Variants in TRPC4AP observed in about 807,000 individuals in gnomAD.
TRPC4AP encodes the protein transient receptor potential cation channel subfamily C member 4 associated protein.
A neutral mutation model predicts 99.0 loss-of-function variants in TRPC4AP; 45 were observed. The observed-to-expected ratio is 0.45, with a 90% confidence interval of 0.36 to 0.58. TRPC4AP has a LOEUF of 0.58. Ranked by LOEUF, TRPC4AP falls within the 20% of genes least tolerant of loss-of-function variation. The pLI is 0.00. For missense variants in TRPC4AP, 879 were observed against 985.3 expected (o/e 0.89, Z 1.44); for synonymous variants, 408 against 385.8 (o/e 1.06, Z -0.67).
chr20:35,088,956 T>C (rs537189553), intron 1 of TRPC4AP, among the ~76,000 whole-genome samples: 3 of 152,214 alleles, frequency 2.0e-5, no homozygotes, highest in East Asian at 3.9e-4. Context: ...TGTTCAATGG[T>C]AGTTTCAGAT....
chr20:35,025,012 T>A (rs1287087844), intron 8 of TRPC4AP, among the ~76,000 whole-genome samples: 1 of 152,124 alleles, frequency 6.6e-6, no homozygotes, highest in African/African-American at 2.4e-5. Flanking sequence ...TTCTAGGCCC[T>A]ATGACATAAC....
intron 4 of TRPC4AP, among the ~76,000 whole-genome samples, chr20:35,056,136 AT>A (rs2083820698): frequency 6.6e-6 from 1 of 152,236 alleles, no homozygotes; most frequent in South Asian, 2.1e-4. Flanking sequence ...GACGCTCTGC[AT>A]CCCTTATCAC....
chr20:35,044,750 T>C (rs751745502), intron 6 of TRPC4AP, 38 bp from the exon 7 acceptor site: 6 of 1,600,384 alleles, frequency 3.7e-6, no homozygotes, highest in South Asian at 2.2e-5. Context: ...CCATGCTCAA[T>C]TCACTCAAGA....
chr20:35,077,084 T>C (rs6142291), intron 2 of TRPC4AP, among the ~76,000 whole-genome samples: 117,422 of 152,102 alleles, frequency 0.77, 45,684 homozygotes, highest in Middle Eastern at 0.83. Context: ...TATAATCTCC[T>C]GCTGTGCCAT....
At chr20:35,081,122 T>C (rs950439167) in intron 1 of TRPC4AP, among the ~76,000 whole-genome samples, 2 of 152,162 alleles carry the variant, frequency 1.3e-5, no homozygotes, top group African/African-American at 2.4e-5. Flanking sequence ...GAACAAAGGA[T>C]AGGACATTAA....
At chr20:35,091,036 C>T (rs564175720) in intron 1 of TRPC4AP, among the ~76,000 whole-genome samples, 3 of 151,862 alleles carry the variant, frequency 2.0e-5, no homozygotes, top group East Asian at 3.9e-4. Flanking sequence ...AAGGAAAGAG[C>T]AAGTATTTCT....
At position 35,024,854 on chromosome 20, in the gene TRPC4AP, A is replaced by AAAAAAAAAAAAAAT. The variant is rs1479270980; in HGVS notation, c.1052-3499_1052-3498insATTTTTTTTTTTTT. Among the ~76,000 whole-genome samples the AAAAAAAAAAAAAAT allele has an allele frequency of 6.3e-4, 56 of 89,466 alleles. 11 individuals are homozygous for AAAAAAAAAAAAAAT. Among genetic ancestry groups the AAAAAAAAAAAAAAT allele is most frequent in the Admixed American group, 9.0e-4 (6 of 6,630 alleles). The allele number at this position is 89,466 out of a possible 152,430, so 58.7% of individuals were successfully genotyped here. ...AAAAAAAAAAAAAAAAAAAAAAAAAAATTCTGTTTATTCATTAATCAGGTG... is the reference window on the plus strand; with the variant it reads ...AAAAAAAAAAAAAAAAAAAAAAAAAAAAAAAAAAAAAAATATTCTGTTTATTCATTAATCAGGTG... On this transcript the variant is annotated intron_variant, in intron 8 of 18. Coordinates refer to ENST00000252015, the MANE Select transcript of TRPC4AP (RefSeq NM_015638.3).
chr20:35,076,237 C>T (rs2084476442), intron 2 of TRPC4AP, among the ~76,000 whole-genome samples: 1 of 76,684 alleles, frequency 1.3e-5, no homozygotes, highest in Non-Finnish European at 2.4e-5. Context: ...TTTGTTATTA[C>T]TGATCATCTG....
At chr20:35,024,338 T>C (rs2082966504) in intron 8 of TRPC4AP, among the ~76,000 whole-genome samples, 1 of 152,146 alleles carries the variant, frequency 6.6e-6, no homozygotes, top group African/African-American at 2.4e-5. Flanking sequence ...TCCTTAGCTC[T>C]AGGCAACCAT....
chr20:35,052,545 G>T (rs2083730701), intron 5 of TRPC4AP, among the ~76,000 whole-genome samples: 2 of 152,028 alleles, frequency 1.3e-5, no homozygotes, highest in African/African-American at 4.8e-5. Context: ...ACCCACGCTG[G>T]AGTGCAGTGG....
chr20:35,085,929 A>G (rs1294943796), intron 1 of TRPC4AP, among the ~76,000 whole-genome samples: 1 of 152,110 alleles, frequency 6.6e-6, no homozygotes, highest in Non-Finnish European at 1.5e-5. Context: ...TTAATCCTAA[A>G]TGTAAGACAT....
intron 8 of TRPC4AP, among the ~76,000 whole-genome samples, chr20:35,029,968 G>A (rs1210073327): frequency 1.3e-4 from 16 of 123,512 alleles, no homozygotes; most frequent in African/African-American, 1.7e-4. Flanking sequence ...GCTGGCTGGC[G>A]CGGTGGCTCA....
rs987785401 is a variant in TRPC4AP, at chr20:35,008,767, T to C, written c.1512-20A>G. On this transcript the variant is annotated intron_variant, in intron 12 of 18. Coordinates refer to ENST00000252015, the MANE Select transcript of TRPC4AP (RefSeq NM_015638.3). ...AAACTCCTGAAATAGAAGAGAGATATTGGTGACAGATCTGAGAGGCTGACA... is the reference window on the plus strand; with the variant it reads ...AAACTCCTGAAATAGAAGAGAGATACTGGTGACAGATCTGAGAGGCTGACA... 2.5e-6 allele frequency: 4 copies of C among 1,610,464 alleles called. No homozygotes were observed. The highest frequency in any genetic ancestry group is 1.1e-5 in the South Asian group (1 of 90,756).
chr20:35,010,213 C>T lies in TRPC4AP; in HGVS notation c.1485G>A (p.Glu495=), dbSNP rs2082602455. 1.9e-6 allele frequency: 3 copies of T among 1,614,088 alleles called. No homozygotes were observed. The highest frequency in any genetic ancestry group is 1.3e-5 in the African/African-American group (1 of 74,938). ...TGTCGGTGTTGAGGACAGCTTCCAC[C>T]TCAGGGATGTTGGCCTTGAGAGAGA... ...SAISLKANIP[E]VEAVLNTDRS... is the part of the protein sequence containing the mutation. Residue 495 remains glutamate, a synonymous_variant, in exon 12 of 19, where the codon GAG becomes GAA. Transcript: ENST00000252015.
At chr20:35,065,323 T>A (rs989163948) in intron 3 of TRPC4AP, among the ~76,000 whole-genome samples, 1 of 152,188 alleles carries the variant, frequency 6.6e-6, no homozygotes, top group African/African-American at 2.4e-5. Flanking sequence ...GCCCAAAACA[T>A]TCCCCATACT....
At chr20:35,016,651 G>A (rs1356682501) in intron 9 of TRPC4AP, among the ~76,000 whole-genome samples, 2 of 152,144 alleles carry the variant, frequency 1.3e-5, no homozygotes, top group Non-Finnish European at 2.9e-5. Context: ...TGATCTAAGA[G>A]TTGGAAAAGC....
intron 3 of TRPC4AP, 52 bp downstream of exon 3, chr20:35,069,244 C>T: frequency 9.6e-7 from 1 of 1,039,390 alleles, no homozygotes; most frequent in Admixed American, 2.3e-5. Flanking sequence ...AGTTAAATTC[C>T]CAAACCATTA....
intron 1 of TRPC4AP, among the ~76,000 whole-genome samples, chr20:35,082,742 T>TCA (rs2084679763): frequency 6.6e-6 from 1 of 152,170 alleles, no homozygotes; most frequent in Admixed American, 6.5e-5. Context: ...TCAATGCAAT[T>TCA]CACCACATTG....
At chr20:35,016,942 G>A (rs1335384575) in intron 9 of TRPC4AP, among the ~76,000 whole-genome samples, 1 of 152,252 alleles carries the variant, frequency 6.6e-6, no homozygotes, top group African/African-American at 2.4e-5. Context: ...TTCACACGCT[G>A]TTGGTGGGAG....
Sources: allele counts gnomAD v4.1 joint callset (sites outside exome capture counted in the v4.1 genomes callset), GRCh38; gene constraint gnomAD v4.1.1; transcripts MANE v1.5; gene names NCBI Gene and HGNC (gene_info 2026-07-23, HGNC 2026-07-21).